The following KIFAP3 variants were observed in gnomAD, a reference collection of about 807,000 sequenced individuals.
The protein encoded by KIFAP3 is kinesin-associated protein 3.
In KIFAP3, 68 loss-of-function variants were observed where a neutral mutation model predicts 106.5. That is an observed-to-expected ratio of 0.64 (90% CI 0.53 to 0.78). KIFAP3 has a LOEUF of 0.78. KIFAP3 is among the 30% of genes least tolerant of loss of function. KIFAP3 has a pLI of 0.00. For synonymous variants in KIFAP3, 320 were observed against 311.5 expected, an observed-to-expected ratio of 1.03 and a Z score of -0.29; for missense variants, 780 against 941.8, an observed-to-expected ratio of 0.83 and a Z score of 2.25.
chr1:169,992,804 T>C (rs1480361348), intron 10 of KIFAP3, among the ~76,000 whole-genome samples: 1 of 152,138 alleles, frequency 6.6e-6, no homozygotes, highest in East Asian at 1.9e-4. Context: ...AAGGTAAGAT[T>C]ATTCTGGTTT....
intron 15 of KIFAP3, among the ~76,000 whole-genome samples, chr1:169,980,675 T>TTCGGA (rs1666468681): frequency 6.6e-6 from 1 of 152,148 alleles, no homozygotes; most frequent in Admixed American, 6.6e-5. Context: ...GGACAATAAA[T>TTCGGA]TCGGATCTAG....
At chr1:170,010,777 A>T (rs1385164412) in intron 10 of KIFAP3, among the ~76,000 whole-genome samples, 1 of 151,990 alleles carries the variant, frequency 6.6e-6, no homozygotes, top group East Asian at 1.9e-4. Context: ...TATAAAAAAG[A>T]TTTTTCTGTT....
chr1:169,928,982 T>G (rs184445485), intron 19 of KIFAP3, among the ~76,000 whole-genome samples: 5 of 152,162 alleles, frequency 3.3e-5, no homozygotes, highest in East Asian at 1.9e-4. Context: ...ATTCTTACAA[T>G]AAGAAGAGAT....
chr1:170,033,614 T>C (rs926105475), intron 7 of KIFAP3, among the ~76,000 whole-genome samples: 2 of 151,724 alleles, frequency 1.3e-5, no homozygotes, highest in Non-Finnish European at 3.0e-5. Flanking sequence ...AGAATTATGA[T>C]GTTGAAGAGA....
intron 1 of KIFAP3, among the ~76,000 whole-genome samples, chr1:170,072,140 TC>T (rs1224689720): frequency 6.6e-6 from 1 of 152,232 alleles, no homozygotes; most frequent in Admixed American, 6.5e-5. Flanking sequence ...ACTTTTAATA[TC>T]CTTCAATAGT....
intron 18 of KIFAP3, among the ~76,000 whole-genome samples, chr1:169,960,285 C>T (rs1364288762): frequency 6.6e-6 from 1 of 151,944 alleles, no homozygotes; most frequent in African/African-American, 2.4e-5. Flanking sequence ...ATATAATCAC[C>T]TTAATGATTT....
At chr1:169,957,177 G>A (rs1487314147) in intron 18 of KIFAP3, among the ~76,000 whole-genome samples, 1 of 152,004 alleles carries the variant, frequency 6.6e-6, no homozygotes, top group Non-Finnish European at 1.5e-5. Context: ...ATAAATCTAG[G>A]AGTGTCTTAA....
chr1:169,921,477 AG>A lies in KIFAP3; in HGVS notation c.*198del, dbSNP rs1325744354. The A allele has an allele frequency of 6.7e-6, 3 of 446,274 alleles. No individual in the cohort carries two copies. The highest frequency in any genetic ancestry group is 1.2e-5 in the Non-Finnish European group (3 of 247,914). The allele number at this position is 446,274 out of a possible 1,614,324, so 27.6% of individuals were successfully genotyped here. On this transcript the variant is annotated 3_prime_UTR_variant, in exon 20 of 20. Coordinates refer to ENST00000361580, the MANE Select transcript of KIFAP3 (RefSeq NM_014970.4). ...CTTAGCATCAAGATGTGGTTTGATG[AG>A]TGAACAATGTCAGTATCAACTGTAC...
intron 10 of KIFAP3, among the ~76,000 whole-genome samples, chr1:170,002,499 A>C (rs908543890): frequency 6.6e-6 from 1 of 152,182 alleles, no homozygotes; most frequent in Non-Finnish European, 1.5e-5. Flanking sequence ...GTCATAACCA[A>C]TAACATTAGT....
At chr1:170,006,700 G>C (rs1461705696) in intron 10 of KIFAP3, among the ~76,000 whole-genome samples, 1 of 152,148 alleles carries the variant, frequency 6.6e-6, no homozygotes, top group Non-Finnish European at 1.5e-5. Flanking sequence ...GAGAAAGACA[G>C]TGAAAATAGT....
chr1:169,946,920 ATTT>A (rs1018240322), intron 19 of KIFAP3, among the ~76,000 whole-genome samples: 1 of 151,868 alleles, frequency 6.6e-6, no homozygotes, highest in African/African-American at 2.4e-5. Flanking sequence ...TACTATAAAA[ATTT>A]TTTATTTGCT....
intron 3 of KIFAP3, chr1:170,041,991 T>C (rs1242375669): frequency 3.1e-6 from 1 of 323,768 alleles, no homozygotes; most frequent in Non-Finnish European, 4.4e-6. Context: ...TCTGTTCTTA[T>C]CTTGTCCTGT....
At chr1:169,927,352 C>G (rs1663200117) in intron 19 of KIFAP3, among the ~76,000 whole-genome samples, 1 of 152,024 alleles carries the variant, frequency 6.6e-6, no homozygotes, top group Non-Finnish European at 1.5e-5. Flanking sequence ...CTGATGTCAT[C>G]CTACTGTAGC....
At chr1:169,936,523 C>T (rs1458392414) in intron 19 of KIFAP3, among the ~76,000 whole-genome samples, 1 of 151,760 alleles carries the variant, frequency 6.6e-6, no homozygotes, top group African/African-American at 2.4e-5. Context: ...TATGAAATAG[C>T]ATATATAATT....
Position 169,982,870 on chromosome 1 carries a change from G to A in KIFAP3, c.1507-3C>T, listed in dbSNP as rs757343362. The A allele has an allele frequency of 1.5e-6, 2 of 1,365,074 alleles. No individual in the cohort carries two copies. Among genetic ancestry groups the A allele is most frequent in the Non-Finnish European group, 1.9e-6 (2 of 1,035,572 alleles). 84.6% of individuals were successfully genotyped at this position (1,365,074 alleles called of 1,614,324 possible). A position where few individuals can be genotyped will look rare whatever the true frequency, so the allele number is the denominator to read the frequency against. On this transcript the variant is annotated splice_polypyrimidine_tract_variant and splice_region_variant and intron_variant, in intron 13 of 19. Coordinates refer to ENST00000361580, the MANE Select transcript of KIFAP3 (RefSeq NM_014970.4). ...GCTGCAAGGTCCCCAACATAATCCTGAATAAAACATAATTTTAATATAAAT... is the reference window on the plus strand; with the variant it reads ...GCTGCAAGGTCCCCAACATAATCCTAAATAAAACATAATTTTAATATAAAT...
intron 3 of KIFAP3, among the ~76,000 whole-genome samples, chr1:170,044,095 A>G (rs1444884981): frequency 6.6e-6 from 1 of 152,200 alleles, no homozygotes; most frequent in African/African-American, 2.4e-5. Context: ...ATGGTCTGGG[A>G]GTGAAGAGAA....
chr1:169,961,095 G>A lies in KIFAP3; in HGVS notation c.2124C>T (p.Tyr708=), dbSNP rs899529907. The part of the protein sequence containing the change: ...YLYGDDRIEP[Y]IHEGDILERP... The stretch of plus-strand genomic sequence containing the variant: ...TTTCGAGAATATCTCCTTCATGAAT[G>A]TATGGCTCAATTCGATCATCACCAT... The change falls in exon 18 of 20, where the codon TAC becomes TAT. Residue 708 remains tyrosine (Y), a synonymous_variant. Coordinates refer to ENST00000361580, the MANE Select transcript of KIFAP3 (RefSeq NM_014970.4). 2.5e-6 allele frequency: 4 copies of A among 1,613,344 alleles called. No homozygotes were observed. Among genetic ancestry groups the A allele is most frequent in the Non-Finnish European group, 3.4e-6 (4 of 1,179,630 alleles).
chr1:169,982,648 T>C, intron 14 of KIFAP3, 54 bp downstream of exon 14: 1 of 1,246,470 alleles, frequency 8.0e-7, no homozygotes. Context: ...GCCTTATCCA[T>C]AACAGAAAGA....
chr1:170,000,312 C>T (rs1045443425), intron 10 of KIFAP3, among the ~76,000 whole-genome samples: 1 of 152,080 alleles, frequency 6.6e-6, no homozygotes, highest in African/African-American at 2.4e-5. Context: ...TGGAACACTC[C>T]CTTTGATGTC....
Sources: gnomAD v4.1 joint callset for allele counts (sites outside exome capture counted in the v4.1 genomes callset) on GRCh38, gnomAD v4.1.1 for gene constraint, MANE v1.5 for transcripts, NCBI Gene and HGNC (gene_info 2026-07-23, HGNC 2026-07-21) for gene names.